The following PTN variants were observed in gnomAD, a reference collection of about 807,000 sequenced individuals.
The protein encoded by PTN is heparin affin regulatory protein.
Under a neutral mutation model 24.1 loss-of-function variants are expected in PTN, and 18 were observed. The ratio of observed to expected loss-of-function variants is 0.75; its 90% CI spans 0.52 to 1.11. PTN has a LOEUF of 1.11. PTN is among the 50% of genes least tolerant of loss of function. The probability of loss-of-function intolerance (pLI) is 0.00; values close to 1 mark genes in which losing one functional copy is unlikely to be tolerated. For synonymous variants in PTN, 78 were observed against 68.6 expected, an observed-to-expected ratio of 1.14 and a Z score of -0.67; for missense variants, 163 against 198.8, an observed-to-expected ratio of 0.82 and a Z score of 1.08.
chr7:137,232,538 C>T (rs1458656579), intron 4 of PTN, among the ~76,000 whole-genome samples: 1 of 151,910 alleles, frequency 6.6e-6, no homozygotes, highest in African/African-American at 2.4e-5. Context: ...AGAAAAAGTA[C>T]TCTAGAAAGG....
At chr7:137,229,022 A>G (rs10954576) in intron 4 of PTN, among the ~76,000 whole-genome samples, 17,821 of 151,824 alleles carry the variant, frequency 0.12, 1,410 homozygotes, top group East Asian at 0.31. Flanking sequence ...TGAGACACTG[A>G]GAAAGTTACT....
intron 1 of PTN, among the ~76,000 whole-genome samples, chr7:137,288,952 C>G (rs1399182958): frequency 1.3e-5 from 2 of 152,080 alleles, no homozygotes; most frequent in Admixed American, 6.6e-5. Context: ...AACCTCCCTA[C>G]TGAAATAATG....
Position 137,251,276 on chromosome 7 carries a change from G to A in PTN, c.405C>T (p.Val135=), listed in dbSNP as rs546284652. ...GTTTGCCACAGGGCTTGGAGATGGT[G>A]ACAGTCTTCTGGCATTCGGCATTGT... ...ALHNAECQKT[V]TISKPCGKLT... Residue 135 remains valine, a synonymous_variant, in exon 4 of 5, where the codon GTC becomes GTT. Coordinates refer to ENST00000348225, the MANE Select transcript of PTN (RefSeq NM_002825.7). 1 of 1,614,108 alleles carries A rather than the reference G, an allele frequency of 6.2e-7. No individual in the cohort carries two copies. Among genetic ancestry groups the A allele is most frequent in the African/African-American group, 1.3e-5 (1 of 75,034 alleles).
intron 1 of PTN, among the ~76,000 whole-genome samples, chr7:137,328,075 A>G (rs1810291006): frequency 6.6e-6 from 1 of 152,176 alleles, no homozygotes; most frequent in Admixed American, 6.5e-5. Flanking sequence ...TAAAATAAAA[A>G]TGTCTTACTT....
chr7:137,293,775 G>T (rs542174859), intron 1 of PTN, among the ~76,000 whole-genome samples: 4 of 151,730 alleles, frequency 2.6e-5, no homozygotes, highest in African/African-American at 9.7e-5. Flanking sequence ...ATGAACTTTC[G>T]TTGACATGTC....
chr7:137,326,877 CTG>C (rs1810271349), intron 1 of PTN: 1 of 152,156 alleles, frequency 6.6e-6, no homozygotes, highest in African/African-American at 2.4e-5. Flanking sequence ...ATATTCATCT[CTG>C]TATTCCTGAT....
chr7:137,272,979 C>T (rs1053593975), intron 1 of PTN, among the ~76,000 whole-genome samples: 7 of 152,148 alleles, frequency 4.6e-5, no homozygotes, highest in Non-Finnish European at 8.8e-5. Context: ...GAAGTTCTAT[C>T]GAAAGCCTTT....
intron 1 of PTN, among the ~76,000 whole-genome samples, chr7:137,265,723 C>A (rs1439555814): frequency 6.6e-6 from 1 of 152,208 alleles, no homozygotes; most frequent in African/African-American, 2.4e-5. Flanking sequence ...ACAATCAGGG[C>A]CTCTGGCCTG....
intron 1 of PTN, among the ~76,000 whole-genome samples, chr7:137,268,197 G>A (rs1809196011): frequency 6.6e-6 from 1 of 152,026 alleles, no homozygotes; most frequent in Admixed American, 6.6e-5. Context: ...ATCCCACCGG[G>A]GCAAATGCCT....
chr7:137,274,777 A>G (rs1007316825), intron 1 of PTN, among the ~76,000 whole-genome samples: 2 of 151,802 alleles, frequency 1.3e-5, no homozygotes, highest in East Asian at 3.9e-4. Context: ...TCATCTTGTC[A>G]TCAAAGATCA....
intron 4 of PTN, among the ~76,000 whole-genome samples, chr7:137,228,495 T>C (rs1808372856): frequency 6.6e-6 from 1 of 151,806 alleles, no homozygotes; most frequent in Non-Finnish European, 1.5e-5. Context: ...GCTTAGCCCC[T>C]CATTTCCCCC....
At chr7:137,301,455 G>A (rs577719828) in intron 1 of PTN, among the ~76,000 whole-genome samples, 2 of 151,892 alleles carry the variant, frequency 1.3e-5, no homozygotes, top group Non-Finnish European at 2.9e-5. Flanking sequence ...TGGACTAGAT[G>A]TTTTAAGAGA....
chr7:137,318,509 A>G (rs1810110076), intron 1 of PTN: 1 of 152,224 alleles, frequency 6.6e-6, no homozygotes, highest in Non-Finnish European at 1.5e-5. Context: ...CTCATCGTAT[A>G]TAATTTTAAG....
chr7:137,303,700 G>T (rs527620798), intron 1 of PTN, among the ~76,000 whole-genome samples: 3 of 151,844 alleles, frequency 2.0e-5, no homozygotes, highest in Non-Finnish European at 4.4e-5. Flanking sequence ...TATATTTAGG[G>T]TGTTAAACAG....
intron 1 of PTN, chr7:137,318,682 G>A (rs1043924500): frequency 2.0e-5 from 3 of 152,018 alleles, no homozygotes; most frequent in East Asian, 3.9e-4. Context: ...TCTGGGTGTC[G>A]GCCTTCATTC....
chr7:137,258,056 T>G (rs1808966492), intron 1 of PTN, among the ~76,000 whole-genome samples: 1 of 152,222 alleles, frequency 6.6e-6, no homozygotes, highest in African/African-American at 2.4e-5. Context: ...TCAGCATTTC[T>G]AGTTTTATAT....
At chr7:137,249,179 C>G (rs1326109031) in intron 4 of PTN, among the ~76,000 whole-genome samples, 4 of 152,020 alleles carry the variant, frequency 2.6e-5, no homozygotes, top group African/African-American at 4.8e-5. Flanking sequence ...TTCACCCAGC[C>G]CCACCATCTT....
chr7:137,287,956 A>G (rs1809583116), intron 1 of PTN, among the ~76,000 whole-genome samples: 2 of 152,180 alleles, frequency 1.3e-5, no homozygotes, highest in Admixed American at 6.5e-5. Flanking sequence ...AACCAGAAAA[A>G]TCTATTGACT....
chr7:137,252,295 A>G (rs1005211609), intron 3 of PTN, among the ~76,000 whole-genome samples: 1 of 151,902 alleles, frequency 6.6e-6, no homozygotes, highest in Non-Finnish European at 1.5e-5. Flanking sequence ...AAGATGCTGA[A>G]TATATTTTCA....
Sources: allele counts gnomAD v4.1 joint callset (sites outside exome capture counted in the v4.1 genomes callset), GRCh38; gene constraint gnomAD v4.1.1; transcripts MANE v1.5; gene names NCBI Gene and HGNC (gene_info 2026-07-23, HGNC 2026-07-21).